MBD4: variants seen among roughly 807,000 people sequenced by gnomAD.
The protein encoded by MBD4 is methyl-CpG binding domain 4, DNA glycosylase.
In MBD4, 53 loss-of-function variants were observed where a neutral mutation model predicts 60.2. That is an observed-to-expected ratio of 0.88 (90% CI 0.71 to 1.11). The LOEUF is 1.11. MBD4 is among the 50% of genes least tolerant of loss of function. The probability of loss-of-function intolerance (pLI) is 0.00; values close to 1 mark genes in which losing one functional copy is unlikely to be tolerated. For missense variants in MBD4, 619 were observed against 674.0 expected, an observed-to-expected ratio of 0.92 and a Z score of 0.90; for synonymous variants, 231 against 229.8, an observed-to-expected ratio of 1.01 and a Z score of -0.05.
rs980127539 is a variant in MBD4, at chr3:129,437,048, T to C, written c.596A>G (p.Gln199Arg). The C allele has an allele frequency of 5.0e-6, 8 of 1,614,114 alleles. No homozygotes were observed. In the African/African-American group the frequency reaches 5.3e-5, roughly 11 times the overall value. The stretch of plus-strand genomic sequence containing the variant: ...AAAGTTAGAGAGTCCTCTGCTCTCC[T>C]GCAACTCTGAACTACTACTTGGCGG... ...FMPPSSSSEL[Q>R]ESRGLSNFTS... Residue 199 changes from glutamine to arginine, a missense_variant, in exon 3 of 8, where the codon CAG becomes CGG. Coordinates refer to ENST00000429544, the MANE Select transcript of MBD4 (RefSeq NM_001276270.2).
At chr3:129,438,371 A>G (rs2107759575) in intron 1 of MBD4, among the ~76,000 whole-genome samples, 1 of 152,348 alleles carries the variant, frequency 6.6e-6, no homozygotes. Flanking sequence ...TACATAATGT[A>G]AAATTTCTGG....
intron 3 of MBD4, among the ~76,000 whole-genome samples, chr3:129,435,919 G>C (rs895611488): frequency 6.6e-6 from 1 of 152,164 alleles, no homozygotes; most frequent in African/African-American, 2.4e-5. Context: ...GCATTTTAGA[G>C]AAGCATTACA....
intron 7 of MBD4, 30 bp from the exon 8 acceptor site, chr3:129,431,608 G>T (rs1403221156): frequency 2.0e-6 from 3 of 1,469,844 alleles, no homozygotes; most frequent in Middle Eastern, 2.0e-4. Context: ...CAGAGGCAGA[G>T]ACCTTAATGT....
chr3:129,433,516 TGA>T (rs1483970234), intron 5 of MBD4: 14 of 590,828 alleles, frequency 2.4e-5, no homozygotes, highest in African/African-American at 3.7e-5. Context: ...CAGCAGATAA[TGA>T]GAGTAGAAGC....
Position 129,437,205 on chromosome 3 carries a change from A to T in MBD4, c.439T>A (p.Ser147Thr). 6.2e-7 allele frequency: 1 copy of T among 1,613,582 alleles called. No homozygotes were observed. Among genetic ancestry groups the T allele is most frequent in the Non-Finnish European group, 8.5e-7 (1 of 1,179,776 alleles). ...KPEDFDFTVL[S>T]KRGIKSRYKD... ...TATCTTGACTTGATACCCCTTTTAGAAAGTACAGTAAAATCAAAATCTTCT... is the reference window on the plus strand; with the variant it reads ...TATCTTGACTTGATACCCCTTTTAGTAAGTACAGTAAAATCAAAATCTTCT... The change falls in exon 3 of 8, where the codon TCT becomes ACT. Residue 147 changes from serine (S) to threonine (T), a missense_variant. By Grantham distance (58) the Ser-to-Thr change is moderately conservative (BLOSUM62 1). Coordinates refer to ENST00000429544, the MANE Select transcript of MBD4 (RefSeq NM_001276270.2).
chr3:129,437,354 G>C lies in MBD4; in HGVS notation c.336-46C>G, dbSNP rs3138340. On this transcript the variant is annotated intron_variant, in intron 2 of 7. Transcript: ENST00000429544. ...AAACTTACTGCTAGTAAATAGAAGG[G>C]ACTTTTAAAAGAACTGGACCACATT... 4,467 of 1,476,176 alleles carry C rather than the reference G, an allele frequency of 3.0e-3. 90 individuals are homozygous for C. The African/African-American group carries it at 0.047, about 16-fold the overall frequency. 91.4% of individuals were successfully genotyped at this position (1,476,176 alleles called of 1,614,324 possible).
chr3:129,431,680 A>G lies in MBD4; in HGVS notation c.1648-102T>C, dbSNP rs893728366. ...TTAAATGTTTGCTGGGGGACAGTACATTACGATACCATACCTAAAAGTTAT... is the reference window on the plus strand; with the variant it reads ...TTAAATGTTTGCTGGGGGACAGTACGTTACGATACCATACCTAAAAGTTAT... On this transcript the variant is annotated intron_variant, in intron 7 of 7. Transcript: ENST00000429544. 4 of 808,652 alleles carry G rather than the reference A, an allele frequency of 4.9e-6. No individual in the cohort carries two copies. In the African/African-American group the frequency reaches 6.7e-5, roughly 14 times the overall value. The allele number at this position is 808,652 out of a possible 1,614,324, so 50.1% of individuals were successfully genotyped here.
In MBD4 at chr3:129,439,895, T is replaced by C. The variant is rs2072714647; in HGVS notation, c.-62A>G. ...GCAACGCCCAGGGTGTGGGGCGGAGTAAGATGTGAAACCTCTTCAGCTCAC... is the reference window on the plus strand; with the variant it reads ...GCAACGCCCAGGGTGTGGGGCGGAGCAAGATGTGAAACCTCTTCAGCTCAC... On this transcript the variant is annotated 5_prime_UTR_variant, in exon 1 of 8. Transcript: ENST00000429544. 1 of 1,203,734 alleles carries C rather than the reference T, an allele frequency of 8.3e-7. No individual in the cohort carries two copies. Among genetic ancestry groups the C allele is most frequent in the Non-Finnish European group, 1.2e-6 (1 of 816,678 alleles). 74.6% of individuals were successfully genotyped at this position (1,203,734 alleles called of 1,614,324 possible).
rs530471138 is a variant in MBD4, at chr3:129,432,058, C to A, written c.1647+445G>T. On this transcript the variant is annotated intron_variant, in intron 7 of 7. Coordinates refer to ENST00000429544, the MANE Select transcript of MBD4 (RefSeq NM_001276270.2). ...AGCTGCCAGGATGACCACCAGCATGCCACAGGCTGGGCATATTCAACAGGG... is the reference window on the plus strand; with the variant it reads ...AGCTGCCAGGATGACCACCAGCATGACACAGGCTGGGCATATTCAACAGGG... The A allele has an allele frequency of 5.1e-5, 42 of 826,980 alleles. No individual in the cohort carries two copies. The African/African-American group carries it at 6.6e-4, about 13-fold the overall frequency. 51.2% of individuals were successfully genotyped at this position (826,980 alleles called of 1,614,324 possible). A position where few individuals can be genotyped will look rare whatever the true frequency, so the allele number is the denominator to read the frequency against.
intron 3 of MBD4, among the ~76,000 whole-genome samples, chr3:129,435,776 TCTCC>T (rs1268928782): frequency 2.0e-5 from 3 of 152,092 alleles, no homozygotes; most frequent in Admixed American, 6.6e-5. Flanking sequence ...GCTCAAAAGG[TCTCC>T]CTTTTATCTC....
intron 1 of MBD4, 117 bp from the exon 2 acceptor site, chr3:129,438,067 G>C (rs1264029448): frequency 1.2e-5 from 8 of 690,998 alleles, no homozygotes; most frequent in African/African-American, 8.9e-5. Context: ...AAATGAGGGA[G>C]ATTAAAGTCA....
chr3:129,437,803 C>G lies in MBD4; in HGVS notation c.252G>C (p.Lys84Asn). 6.2e-7 allele frequency: 1 copy of G among 1,614,098 alleles called. No homozygotes were observed. Among genetic ancestry groups the G allele is most frequent in the East Asian group, 2.2e-5 (1 of 44,888 alleles). ...FGATAGTECR[K>N]SVPCGWERVV... Reference sequence around the variant, plus strand: ...CTCTTTCCCATCCACATGGGACAGACTTACGGCATTCTGTTCCTGCAGTAG... The same window carrying G: ...CTCTTTCCCATCCACATGGGACAGAGTTACGGCATTCTGTTCCTGCAGTAG... The change falls in exon 2 of 8, where the codon AAG (lysine) becomes AAC (asparagine). Residue 84 changes from lysine to asparagine, a missense_variant. Transcript: ENST00000429544.
chr3:129,432,666 TGTG>T (rs2072373265), intron 6 of MBD4, 60 bp from the exon 7 acceptor site: 1 of 1,492,726 alleles, frequency 6.7e-7, no homozygotes, highest in Non-Finnish European at 9.3e-7. Flanking sequence ...TCCCAAAATG[TGTG>T]GTGATGGGGC....
chr3:129,433,115 G>T lies in MBD4; in HGVS notation c.1526C>A (p.Thr509Asn). The stretch of plus-strand genomic sequence containing the variant: ...GAAAATACCTGAGAACTTGACAATG[G>T]TTTTTGCCCGAAGATCGTAGAGACC... ...PLGLYDLRAKTIVKFSDEYLT... is the reference protein window; with the variant it reads ...PLGLYDLRAKNIVKFSDEYLT... The change falls in exon 6 of 8, where the codon ACC (threonine) becomes AAC (asparagine). Residue 509 changes from threonine to asparagine, a missense_variant. Physicochemically the swap from Thr to Asn is moderately conservative, Grantham distance 65. Transcript: ENST00000429544. 1 of 1,614,156 alleles carries T rather than the reference G, an allele frequency of 6.2e-7. No individual in the cohort carries two copies. Among genetic ancestry groups the T allele is most frequent in the African/African-American group, 1.3e-5 (1 of 75,038 alleles).
intron 6 of MBD4, 142 bp downstream of exon 6, chr3:129,432,956 A>G: frequency 3.7e-6 from 4 of 1,079,772 alleles, no homozygotes; most frequent in Admixed American, 2.0e-5. Context: ...GTTTGGGGAA[A>G]GTGGACTTTT....
intron 7 of MBD4, 79 bp downstream of exon 7, chr3:129,432,403 TAATAGCATTTGTATCCAATAA>T (rs1354562643): frequency 1.9e-6 from 3 of 1,605,518 alleles, no homozygotes; most frequent in Admixed American, 3.4e-5. Flanking sequence ...TTTGTGACTG[TAATAGCATTTGTATCCAATAA>T]ATAGTCTTAA....
intron 7 of MBD4, 156 bp downstream of exon 7, chr3:129,432,347 C>G: frequency 6.5e-7 from 1 of 1,531,530 alleles, no homozygotes; most frequent in South Asian, 1.2e-5. Context: ...TCAAAAACCC[C>G]AAAACCCACA....
chr3:129,436,620 A>G lies in MBD4; in HGVS notation c.1024T>C (p.Ser342Pro), dbSNP rs2307289. The G allele has an allele frequency of 0.015, 23,658 of 1,614,052 alleles. 1,294 individuals carry two copies. Among genetic ancestry groups the G allele is most frequent in the African/African-American group, 0.13 (9,494 of 75,000 alleles). Residue 342 changes from serine (S) to proline (P), a missense_variant, in exon 3 of 8, where the codon TCA becomes CCA. Ser to Pro is a moderately conservative substitution (Grantham distance 74, BLOSUM62 -1). Transcript: ENST00000429544. ...IINKFCSAKD[S>P]EHNEKYEDTF... ...TCCTCATACTTCTCGTTGTGTTCTG[A>G]GTCTTTGGCTGAACAAAATTTGTTT...
In MBD4 at chr3:129,437,717, T is replaced by A; in HGVS notation, c.335+3A>T. ...TACTATCTTTACCATCTTATATGCT[T>A]ACCTGATAAAGTACACATCAAATCT... On this transcript the variant is annotated splice_donor_region_variant and intron_variant, in intron 2 of 7. Transcript: ENST00000429544. The A allele has an allele frequency of 6.2e-7, 1 of 1,602,874 alleles. No individual in the cohort carries two copies. Among genetic ancestry groups the A allele is most frequent in the Non-Finnish European group, 8.5e-7 (1 of 1,169,748 alleles).
Sources: gnomAD v4.1 joint callset for allele counts (sites outside exome capture counted in the v4.1 genomes callset) on GRCh38, gnomAD v4.1.1 for gene constraint, MANE v1.5 for transcripts, NCBI Gene and HGNC (gene_info 2026-07-23, HGNC 2026-07-21) for gene names.